RGS6: variants seen among roughly 807,000 people sequenced by gnomAD.
RGS6 encodes the protein regulator of G protein signaling 6, also known as regulator of G-protein signaling 6.
RGS6 carries 30 observed loss-of-function variants against 78.5 expected under a neutral mutation model. The observed-to-expected ratio is 0.38, with a 90% CI of 0.29 to 0.52. RGS6 has a LOEUF of 0.52. RGS6 is among the 20% of genes least tolerant of loss of function. The pLI, the probability that RGS6 is intolerant of heterozygous loss-of-function variation, is 0.85. For missense variants in RGS6, 495 were observed against 609.7 expected (o/e 0.81, Z 1.98); for synonymous variants, 206 against 206.0 (o/e 1.00, Z 0.00).
intron 17 of RGS6, among the ~76,000 whole-genome samples, chr14:72,544,307 G>A (rs145832410): frequency 1.3e-5 from 2 of 152,350 alleles, no homozygotes; most frequent in African/African-American, 4.8e-5. Flanking sequence ...AAAAGCCGCA[G>A]AGGGTGATAG....
chr14:72,367,094 A>G (rs1032059159), intron 3 of RGS6, among the ~76,000 whole-genome samples: 1 of 152,212 alleles, frequency 6.6e-6, no homozygotes, highest in Non-Finnish European at 1.5e-5. Context: ...TTAAGGACAG[A>G]ACCAAGACTG....
In RGS6 at chr14:72,411,070, A is replaced by G. The variant is rs574066748; in HGVS notation, c.185-43458A>G. Among the ~76,000 whole-genome samples the G allele has an allele frequency of 1.9e-3, 286 of 152,246 alleles. 2 individuals carry two copies. The highest frequency in any genetic ancestry group is 6.2e-3 in the African/African-American group (259 of 41,526). Reference sequence around the variant, plus strand: ...AATGCGGGCTCTTTTTTGGTTCCATATGAACTTTAAAGTAGTTTTTTTCCA... The same window carrying G: ...AATGCGGGCTCTTTTTTGGTTCCATGTGAACTTTAAAGTAGTTTTTTTCCA... On this transcript the variant is annotated intron_variant, in intron 3 of 17. Transcript: ENST00000553525.
At chr14:72,173,438 A>G (rs2097056177) in intron 2 of RGS6, among the ~76,000 whole-genome samples, 1 of 152,198 alleles carries the variant, frequency 6.6e-6, no homozygotes, top group Non-Finnish European at 1.5e-5. Flanking sequence ...TGCTGTGGCC[A>G]GTCGCTGTGA....
At chr14:72,252,427 A>G (rs1001943879) in intron 2 of RGS6, among the ~76,000 whole-genome samples, 1 of 152,254 alleles carries the variant, frequency 6.6e-6, no homozygotes, top group Non-Finnish European at 1.5e-5. Flanking sequence ...GATGATTACC[A>G]TCTAGTGAAT....
intron 2 of RGS6, among the ~76,000 whole-genome samples, chr14:72,117,492 T>C (rs1366044447): frequency 6.6e-6 from 1 of 152,040 alleles, no homozygotes; most frequent in Non-Finnish European, 1.5e-5. Flanking sequence ...GAAGCAGATA[T>C]TGGCACCGTG....
intron 2 of RGS6, among the ~76,000 whole-genome samples, chr14:72,117,502 G>A (rs2095927069): frequency 1.3e-5 from 2 of 152,044 alleles, no homozygotes; most frequent in African/African-American, 4.8e-5. Context: ...TTGGCACCGT[G>A]CTTTGTGTAC....
chr14:72,338,445 G>A (rs1248387400), intron 2 of RGS6, among the ~76,000 whole-genome samples: 1 of 152,132 alleles, frequency 6.6e-6, no homozygotes, highest in African/African-American at 2.4e-5. Flanking sequence ...ACAGTAGGGG[G>A]GAAACCCATG....
intron 2 of RGS6, among the ~76,000 whole-genome samples, chr14:72,106,543 C>T (rs1435372665): frequency 6.6e-6 from 1 of 152,170 alleles, no homozygotes; most frequent in Non-Finnish European, 1.5e-5. Flanking sequence ...TCCATGTGTC[C>T]CTTCCCAGCC....
chr14:72,150,630 C>T (rs909584077), intron 2 of RGS6, among the ~76,000 whole-genome samples: 1 of 151,958 alleles, frequency 6.6e-6, no homozygotes, highest in Non-Finnish European at 1.5e-5. Flanking sequence ...GCACGTCTTA[C>T]ATAGCCCAAG....
At chr14:72,536,956 A>G (rs750884609) in intron 16 of RGS6, among the ~76,000 whole-genome samples, 1 of 152,060 alleles carries the variant, frequency 6.6e-6, no homozygotes, top group Non-Finnish European at 1.5e-5. Flanking sequence ...GGCCCTCAGC[A>G]TGCAGGTGAG....
intron 11 of RGS6, among the ~76,000 whole-genome samples, chr14:72,477,459 A>T (rs1418364144): frequency 6.6e-6 from 1 of 151,010 alleles, no homozygotes; most frequent in East Asian, 2.0e-4. Flanking sequence ...CAAGTTTATT[A>T]TCTGATGGGT....
chr14:72,276,767 C>A (rs847340), intron 2 of RGS6, among the ~76,000 whole-genome samples: 150,351 of 152,302 alleles, frequency 0.99, 74,222 homozygotes, highest in East Asian at 1. Flanking sequence ...CTCCCCAGCC[C>A]TGTAGAACTG....
chr14:72,524,485 CACAGGCTCT>C (rs2097094414), intron 15 of RGS6, among the ~76,000 whole-genome samples: 1 of 152,242 alleles, frequency 6.6e-6, no homozygotes, highest in African/African-American at 2.4e-5. Context: ...CCAAAGCCTT[CACAGGCTCT>C]AGATGAGATA....
intron 2 of RGS6, among the ~76,000 whole-genome samples, chr14:72,164,479 TTTG>T (rs2096897706): frequency 6.6e-6 from 1 of 152,056 alleles, no homozygotes; most frequent in Non-Finnish European, 1.5e-5. Context: ...GGCCCTGGAG[TTTG>T]TTGTTGGAGA....
At chr14:72,053,057 C>CTCCCTTCTCTCCCT (rs1596678115) in intron 2 of RGS6, among the ~76,000 whole-genome samples, 2 of 14,398 alleles carry the variant, frequency 1.4e-4, no homozygotes, top group East Asian at 4.5e-3. Context: ...CCCTCCCTCC[C>CTCCCTTCTCTCCCT]TCCCTCCCTC....
At chr14:71,965,892 A>C (rs1345656807) in intron 2 of RGS6, among the ~76,000 whole-genome samples, 2 of 152,208 alleles carry the variant, frequency 1.3e-5, no homozygotes, top group Non-Finnish European at 2.9e-5. Context: ...ATGACTTGGA[A>C]ACTGAAGGAA....
At chr14:72,555,861 G>A (rs756783934) in intron 17 of RGS6, among the ~76,000 whole-genome samples, 1 of 152,120 alleles carries the variant, frequency 6.6e-6, no homozygotes, top group Non-Finnish European at 1.5e-5. Context: ...CCATCAGCAG[G>A]TGGCTGTTTG....
intron 3 of RGS6, among the ~76,000 whole-genome samples, chr14:72,367,092 A>G (rs1390990271): frequency 1.3e-5 from 2 of 152,256 alleles, no homozygotes; most frequent in African/African-American, 4.8e-5. Flanking sequence ...AGTTAAGGAC[A>G]GAACCAAGAC....
At chr14:72,491,036 T>A (rs2096571234) in intron 12 of RGS6, among the ~76,000 whole-genome samples, 1 of 152,140 alleles carries the variant, frequency 6.6e-6, no homozygotes, top group Non-Finnish European at 1.5e-5. Flanking sequence ...TCCAGTAGCA[T>A]GAGATGGCAC....
Sources: gnomAD v4.1 joint callset for allele counts (sites outside exome capture counted in the v4.1 genomes callset) on GRCh38, gnomAD v4.1.1 for gene constraint, MANE v1.5 for transcripts, NCBI Gene and HGNC (gene_info 2026-07-23, HGNC 2026-07-21) for gene names.